ZNF610: variants seen among roughly 807,000 people sequenced by gnomAD.
The protein encoded by ZNF610 is zinc finger protein 610.
A neutral mutation model predicts 14.1 loss-of-function variants in ZNF610; 14 were observed. The ratio of observed to expected loss-of-function variants is 0.99; its 90% CI spans 0.65 to 1.55. The LOEUF is 1.55. Ranked by LOEUF, ZNF610 falls within the 40% of genes most tolerant of loss-of-function variation. The pLI is 0.00. For missense variants in ZNF610, 530 were observed against 558.0 expected (o/e 0.95, Z 0.51); for synonymous variants, 185 against 187.6 (o/e 0.99, Z 0.11).
intron 5 of ZNF610, among the ~76,000 whole-genome samples, chr19:52,357,511 T>G (rs1985581065): frequency 6.6e-6 from 1 of 151,686 alleles, no homozygotes; most frequent in African/African-American, 2.4e-5. Flanking sequence ...CGGGTGTGGT[T>G]GCAGACGCCT....
intron 5 of ZNF610, among the ~76,000 whole-genome samples, chr19:52,358,762 T>C (rs896402093): frequency 1.3e-5 from 2 of 152,232 alleles, no homozygotes; most frequent in Non-Finnish European, 2.9e-5. Context: ...CCTGATTTTT[T>C]CTAGGAGTTT....
chr19:52,340,413 G>C (rs2122175291), intron 1 of ZNF610, among the ~76,000 whole-genome samples: 1 of 152,168 alleles, frequency 6.6e-6, no homozygotes, highest in South Asian at 2.1e-4. Flanking sequence ...TTTGGTGATG[G>C]GCGGCATAGT....
chr19:52,334,186 T>C (rs1027782115), upstream of ZNF610, among the ~76,000 whole-genome samples: 22 of 152,210 alleles, frequency 1.4e-4, no homozygotes, highest in Non-Finnish European at 2.4e-4. Flanking sequence ...TATAAATCTA[T>C]AAATCTTCTA....
intron 1 of ZNF610, among the ~76,000 whole-genome samples, chr19:52,343,326 A>AG (rs1474342812): frequency 3.3e-5 from 5 of 152,114 alleles, no homozygotes; most frequent in African/African-American, 7.2e-5. Flanking sequence ...GCTTGAACCC[A>AG]GGGGGCAGAG....
intron 3 of ZNF610, among the ~76,000 whole-genome samples, chr19:52,353,130 G>T (rs1985340210): frequency 6.6e-6 from 1 of 152,114 alleles, no homozygotes; most frequent in South Asian, 2.1e-4. Context: ...AGTAGAGACA[G>T]GGTTTCACCA....
chr19:52,346,643 C>G (rs886352491), intron 1 of ZNF610, among the ~76,000 whole-genome samples: 1 of 152,190 alleles, frequency 6.6e-6, no homozygotes, highest in African/African-American at 2.4e-5. Context: ...GGTGCATTAC[C>G]TGCTCACAAG....
rs566477397 is a variant in ZNF610, at chr19:52,361,880, T to A, written c.320-3818T>A. Among the ~76,000 whole-genome samples the A allele has an allele frequency of 1.3e-4, 20 of 152,330 alleles. No individual in the cohort carries two copies. In the South Asian group the frequency reaches 1.4e-3, roughly 11 times the overall value. On this transcript the variant is annotated intron_variant, in intron 5 of 5. Coordinates refer to ENST00000403906, the MANE Select transcript of ZNF610 (RefSeq NM_001161425.2). ...CCTTTCTATTTAGTTTGGTTTTTTT[T>A]ATACTTCATTGAAGTATAAAGTTAG...
chr19:52,357,977 T>C (rs1356743543), intron 5 of ZNF610, among the ~76,000 whole-genome samples: 2 of 152,138 alleles, frequency 1.3e-5, no homozygotes, highest in African/African-American at 2.4e-5. Context: ...CCTCGGGGTG[T>C]TCAGCTGTCC....
chr19:52,365,842 C>T lies in ZNF610; in HGVS notation c.464C>T (p.Thr155Ile), dbSNP rs754195002. The T allele has an allele frequency of 1.9e-6, 3 of 1,614,154 alleles. No individual in the cohort carries two copies. The highest frequency in any genetic ancestry group is 1.7e-5 in the Admixed American group (1 of 60,008). ...AGAAGTAATCAAGTTGAAAAGTTTA[C>T]AAACCATCGTTCCTCAGTTTCACCA... ...IYRSNQVEKFTNHRSSVSPLQ... is the reference protein window; with the variant it reads ...IYRSNQVEKFINHRSSVSPLQ... Residue 155 changes from threonine (T) to isoleucine (I), a missense_variant, in exon 6 of 6, where the codon ACA becomes ATA. Transcript: ENST00000403906.
At position 52,353,675 on chromosome 19, in the gene ZNF610, A is replaced by G. The variant is rs1213390810; in HGVS notation, c.64-7A>G. The G allele has an allele frequency of 6.2e-7, 1 of 1,613,280 alleles. No individual in the cohort carries two copies. The highest frequency in any genetic ancestry group is 1.3e-5 in the African/African-American group (1 of 74,888). On this transcript the variant is annotated splice_polypyrimidine_tract_variant and splice_region_variant and intron_variant, in intron 3 of 5. Coordinates refer to ENST00000403906, the MANE Select transcript of ZNF610 (RefSeq NM_001161425.2). ...TAGTGTTGTAAACAATGTGGTCCTC[A>G]TTTTAGGGACGCTTGACATTCATGG... is the stretch of plus-strand genomic sequence containing the variant.
intron 5 of ZNF610, among the ~76,000 whole-genome samples, chr19:52,363,992 C>T (rs191566930): frequency 1.2e-3 from 189 of 152,256 alleles, no homozygotes; most frequent in Middle Eastern, 6.8e-3. Context: ...TGATCCCCTT[C>T]TCATCTCCTC....
At chr19:52,354,451 A>G (rs1048064493) in intron 5 of ZNF610, 72 bp downstream of exon 5, 44 of 1,526,970 alleles carry the variant, frequency 2.9e-5, no homozygotes, top group African/African-American at 2.2e-4. Flanking sequence ...GTGTTCCGCT[A>G]TCACCCAGGC....
At chr19:52,363,127 C>CT (rs1280670705) in intron 5 of ZNF610, among the ~76,000 whole-genome samples, 4,384 of 141,772 alleles carry the variant, frequency 0.031, 137 homozygotes, top group African/African-American at 0.078. Context: ...GTTCTATCCC[C>CT]TTTTTTTTTT....
At chr19:52,340,013 AC>A (rs1984600968) in intron 1 of ZNF610, among the ~76,000 whole-genome samples, 1 of 152,190 alleles carries the variant, frequency 6.6e-6, no homozygotes, top group African/African-American at 2.4e-5. Context: ...GTGGGACTGC[AC>A]CTTTAACCCG....
intron 5 of ZNF610, among the ~76,000 whole-genome samples, chr19:52,362,262 T>G (rs2122285290): frequency 6.6e-6 from 1 of 152,290 alleles, no homozygotes; most frequent in Middle Eastern, 3.4e-3. Flanking sequence ...AATACGAAAG[T>G]TAGCTGGGCA....
intron 1 of ZNF610, among the ~76,000 whole-genome samples, chr19:52,336,855 G>T (rs752985715): frequency 9.9e-4 from 151 of 152,316 alleles, no homozygotes; most frequent in Middle Eastern, 3.4e-3. Context: ...GGACATTCAG[G>T]ATTCTTCGTC....
At chr19:52,346,258 G>A (rs1039329846) in intron 1 of ZNF610, among the ~76,000 whole-genome samples, 2 of 151,036 alleles carry the variant, frequency 1.3e-5, no homozygotes, top group Non-Finnish European at 2.9e-5. Context: ...TCTGCCTTCC[G>A]GGTTCCAGCG....
At chr19:52,336,945 G>A (rs1045789188) in intron 1 of ZNF610, among the ~76,000 whole-genome samples, 16 of 152,348 alleles carry the variant, frequency 1.1e-4, no homozygotes, top group African/African-American at 3.8e-4. Flanking sequence ...GATGTGTGGG[G>A]AAAGATGGTG....
chr19:52,346,238 C>T (rs528140486), intron 1 of ZNF610, among the ~76,000 whole-genome samples: 8 of 151,222 alleles, frequency 5.3e-5, no homozygotes, highest in South Asian at 2.1e-4. Context: ...AGGCTCAGCT[C>T]ACTGCAACGT....
Sources: gnomAD v4.1 joint callset for allele counts (sites outside exome capture counted in the v4.1 genomes callset) on GRCh38, gnomAD v4.1.1 for gene constraint, MANE v1.5 for transcripts, NCBI Gene and HGNC (gene_info 2026-07-23, HGNC 2026-07-21) for gene names.